Variants in RPGR observed in about 807,000 individuals in gnomAD.
RPGR encodes retinitis pigmentosa GTPase regulator, also known as X-linked retinitis pigmentosa GTPase regulator.
A neutral mutation model predicts 56.3 loss-of-function variants in RPGR; 10 were observed. The ratio of observed to expected loss-of-function variants is 0.18; its 90% confidence interval spans 0.11 to 0.30. The LOEUF (loss-of-function observed/expected upper bound fraction) is 0.30, where lower values mean the gene tolerates loss of function less well. Ranked by LOEUF, RPGR falls within the 10% of genes least tolerant of loss-of-function variation. The pLI is 1.00. For synonymous variants in RPGR, 197 were observed against 212.9 expected (o/e 0.93, Z 0.65); for missense variants, 538 against 590.9 (o/e 0.91, Z 0.93).
At chrX:38,270,705 T>C (rs2066830288) in intron 18 of RPGR, among the ~76,000 whole-genome samples, 1 of 108,610 alleles carries the variant, frequency 9.2e-6, no homozygotes, top group Non-Finnish European at 1.9e-5. Flanking sequence ...CAGTCAAATA[T>C]ACAGAGCTGC....
chrX:38,279,153 C>T (rs2066985604), intron 15 of RPGR: 1 of 329,249 alleles, frequency 3.0e-6, no homozygotes, highest in African/African-American at 2.6e-5. Flanking sequence ...CTTGAAGTCA[C>T]AGAAAGCACT....
At chrX:38,288,073 C>A in intron 13 of RPGR, 32 bp from the exon 14 acceptor site, 1 of 1,127,120 alleles carries the variant, frequency 8.9e-7, no homozygotes, top group South Asian at 1.8e-5. Flanking sequence ...TATCATATGT[C>A]ATACTACTAT....
At chrX:38,291,878 A>G (rs911851617) in intron 11 of RPGR, among the ~76,000 whole-genome samples, 7 of 112,240 alleles carry the variant, frequency 6.2e-5, no homozygotes, top group African/African-American at 1.9e-4. Flanking sequence ...CCGTATGTGC[A>G]CAGCCAGTAA....
chrX:38,307,801 A>G (rs1200897648), intron 7 of RPGR, among the ~76,000 whole-genome samples: 2 of 112,178 alleles, frequency 1.8e-5, no homozygotes, highest in Non-Finnish European at 3.8e-5. Flanking sequence ...CAGGCAAAGT[A>G]GTGAAATTTT....
intron 3 of RPGR, 68 bp from the exon 4 acceptor site, chrX:38,321,157 G>T: frequency 2.5e-6 from 2 of 788,327 alleles, no homozygotes; most frequent in South Asian, 2.1e-5. Flanking sequence ...AGGACAAATG[G>T]TAACTAAGTG....
Position 38,322,648 on chromosome X carries a change from G to A in RPGR, c.247+205C>T, listed in dbSNP as rs141732238. Among the ~76,000 whole-genome samples, 2,450 of 111,883 alleles carry A rather than the reference G, an allele frequency of 0.022. 33 individuals are homozygous for A. Among genetic ancestry groups the A allele is most frequent in the African/African-American group, 0.055 (1,695 of 30,839 alleles). On this transcript the variant is annotated intron_variant, in intron 3 of 18. Transcript: ENST00000642395. ...ATCATTACTTCCTTTGTGGTCCCTG[G>A]ATTTAAAATCAATCTGATTTTTAGA...
At chrX:38,285,281 T>C (rs904139766) in intron 15 of RPGR, 2 of 1,028,281 alleles carry the variant, frequency 1.9e-6, no homozygotes, top group Non-Finnish European at 2.5e-6. Context: ...TAATCTGATA[T>C]GACCTTTTAA....
chrX:38,316,135 C>T (rs952151314), intron 6 of RPGR, among the ~76,000 whole-genome samples: 1 of 110,901 alleles, frequency 9.0e-6, no homozygotes, highest in Non-Finnish European at 1.9e-5. Flanking sequence ...CAGTTCATAT[C>T]AGCTGATGTA....
rs2067090094 is a variant in RPGR, at chrX:38,284,382, C to A, written c.1905+2712G>T. 7.7e-6 allele frequency: 5 copies of A among 648,191 alleles called. No individual in the cohort carries two copies. In the South Asian group the frequency reaches 2.4e-4, roughly 31 times the overall value. The allele number at this position is 648,191 out of a possible 1,213,427, so 53.4% of individuals were successfully genotyped here. On this transcript the variant is annotated intron_variant, in intron 15 of 18. Transcript: ENST00000642395. ...CAGTATCTAATACTAGACAGTTTAT[C>A]TTTTCATAAAGAATTTCTGACTATA...
rs1467838237 is a variant in RPGR, at chrX:38,287,625, CT to C, written c.1753+235del. The stretch of plus-strand genomic sequence containing the variant: ...AGAAAGGACTCATCTTTTTTGTACT[CT>C]TTTCCCTTTCTCTTAAATCCTTCAT... On this transcript the variant is annotated intron_variant, in intron 14 of 18. Coordinates refer to ENST00000642395, the MANE Select transcript of RPGR (RefSeq NM_000328.3). 9.8e-6 allele frequency: 5 copies of C among 511,651 alleles called. No homozygotes were observed. In the African/African-American group the frequency reaches 1.2e-4, roughly 12 times the overall value. The allele number at this position is 511,651 out of a possible 1,213,427, so 42.2% of individuals were successfully genotyped here.
chrX:38,298,598 T>TA (rs1454817396), intron 10 of RPGR, among the ~76,000 whole-genome samples: 11 of 110,588 alleles, frequency 9.9e-5, no homozygotes, highest in Middle Eastern at 9.3e-3. Flanking sequence ...ACTACCATAA[T>TA]AAAAAAAAGC....
chrX:38,276,671 A>G lies in RPGR; in HGVS notation c.2007T>C (p.Asp669=). ...TGTGATAACCTGTAGGAACACTTTCATCATCTCCCACAGTTTTCTTCTTGC... is the reference window on the plus strand; with the variant it reads ...TGTGATAACCTGTAGGAACACTTTCGTCATCTCCCACAGTTTTCTTCTTGC... The change falls in exon 16 of 19, where the codon GAT becomes GAC. Residue 669 remains aspartate, a synonymous_variant. Transcript: ENST00000642395. 1 of 1,209,886 alleles carries G rather than the reference A, an allele frequency of 8.3e-7. No individual in the cohort carries two copies. Among genetic ancestry groups the G allele is most frequent in the African/African-American group, 1.7e-5 (1 of 57,702 alleles).
chrX:38,297,944 A>G (rs1569244848), intron 10 of RPGR, among the ~76,000 whole-genome samples: 1 of 112,043 alleles, frequency 8.9e-6, no homozygotes, highest in East Asian at 2.8e-4. Context: ...TTACCTTCAA[A>G]AATTATTTGC....
chrX:38,289,116 C>T (rs998912822), intron 13 of RPGR, among the ~76,000 whole-genome samples: 6 of 110,806 alleles, frequency 5.4e-5, no homozygotes, highest in African/African-American at 2.0e-4. Flanking sequence ...TTTGAGTCCA[C>T]AAAATTCACA....
intron 6 of RPGR, among the ~76,000 whole-genome samples, chrX:38,313,643 G>C (rs2067763570): frequency 1.8e-5 from 2 of 111,793 alleles, no homozygotes; most frequent in Non-Finnish European, 3.8e-5. Flanking sequence ...TTCGAATTCT[G>C]ATTCTGCAAC....
chrX:38,315,820 C>CATATATAT (rs1175539921), intron 6 of RPGR, among the ~76,000 whole-genome samples: 6 of 92,149 alleles, frequency 6.5e-5, no homozygotes, highest in African/African-American at 2.5e-4. Context: ...CATATATATA[C>CATATATAT]ATATATATAT....
intron 11 of RPGR, among the ~76,000 whole-genome samples, chrX:38,293,384 C>A: frequency 9.0e-6 from 1 of 111,682 alleles, no homozygotes; most frequent in Non-Finnish European, 1.9e-5. Context: ...TTGTAGACTA[C>A]CATAATACAT....
intron 6 of RPGR, 111 bp from the exon 7 acceptor site, chrX:38,310,884 T>C: frequency 1.6e-6 from 1 of 614,272 alleles, no homozygotes; most frequent in Non-Finnish European, 2.6e-6. Context: ...TTGACCTTTC[T>C]TGAGATATTT....
chrX:38,306,559 T>C (rs1295763764), intron 7 of RPGR, among the ~76,000 whole-genome samples: 1 of 112,517 alleles, frequency 8.9e-6, no homozygotes, highest in East Asian at 2.8e-4. Flanking sequence ...TGAAGCCATA[T>C]TGAGGCAATG....
Sources: gnomAD v4.1 joint callset for allele counts (sites outside exome capture counted in the v4.1 genomes callset) on GRCh38, gnomAD v4.1.1 for gene constraint, MANE v1.5 for transcripts, NCBI Gene and HGNC (gene_info 2026-07-23, HGNC 2026-07-21) for gene names.